The following LAMC1 variants were observed in gnomAD, a reference collection of about 807,000 sequenced individuals.
LAMC1 encodes the protein laminin subunit gamma-1.
In LAMC1, 38 loss-of-function variants were observed where a neutral mutation model predicts 173.6. The ratio of observed to expected loss-of-function variants is 0.22; its 90% CI spans 0.17 to 0.29. The LOEUF is 0.29. Among genes scored for constraint, LAMC1 ranks in the 10% least tolerant of loss-of-function variants. The pLI, the probability that LAMC1 is intolerant of heterozygous loss-of-function variation, is 1.00. For missense variants in LAMC1, 1,824 were observed against 2,051.8 expected (o/e 0.89, Z 2.14); for synonymous variants, 746 against 749.1 (o/e 1.00, Z 0.07).
At chr1:183,035,252 G>A (rs922041335) in intron 1 of LAMC1, among the ~76,000 whole-genome samples, 1 of 152,142 alleles carries the variant, frequency 6.6e-6, no homozygotes, top group Non-Finnish European at 1.5e-5. Context: ...GCAGTGGCAC[G>A]ATCCTATTTC....
chr1:183,130,565 C>T lies in LAMC1; in HGVS notation c.3486+16C>T, dbSNP rs372344667. The T allele has an allele frequency of 8.7e-6, 14 of 1,610,368 alleles. No individual in the cohort carries two copies. The highest frequency in any genetic ancestry group is 3.3e-5 in the Admixed American group (2 of 59,990). On this transcript the variant is annotated intron_variant, in intron 19 of 27. Coordinates refer to ENST00000258341, the MANE Select transcript of LAMC1 (RefSeq NM_002293.4). ...TGCCAATGTGGTAAGTGATTGCAAA[C>T]GTCTGAGGTGGGGATGGGGGAGGCC...
chr1:183,067,144 C>G (rs1047090040), intron 1 of LAMC1, among the ~76,000 whole-genome samples: 1 of 151,944 alleles, frequency 6.6e-6, no homozygotes, highest in African/African-American at 2.4e-5. Context: ...TAAAAAGGAA[C>G]AATATTTTCT....
chr1:183,108,655 C>T (rs1428859641), intron 3 of LAMC1, among the ~76,000 whole-genome samples: 2 of 152,180 alleles, frequency 1.3e-5, no homozygotes, highest in African/African-American at 4.8e-5. Flanking sequence ...CTTGTCAAAT[C>T]CACACATTTA....
intron 1 of LAMC1, among the ~76,000 whole-genome samples, chr1:183,030,201 G>A (rs952792014): frequency 6.6e-6 from 1 of 152,240 alleles, no homozygotes; most frequent in South Asian, 2.1e-4. Context: ...TAAGGGCAGA[G>A]TTGAGTAATA....
chr1:183,142,890 C>G lies in LAMC1; in HGVS notation c.*100C>G. 1 of 1,256,436 alleles carries G rather than the reference C, an allele frequency of 8.0e-7. No individual in the cohort carries two copies. The highest frequency in any genetic ancestry group is 2.0e-4 in the Middle Eastern group (1 of 4,996). The allele number at this position is 1,256,436 out of a possible 1,614,324, so 77.8% of individuals were successfully genotyped here. A position where few individuals can be genotyped will look rare whatever the true frequency, so the allele number is the denominator to read the frequency against. On this transcript the variant is annotated 3_prime_UTR_variant, in exon 28 of 28. Coordinates refer to ENST00000258341, the MANE Select transcript of LAMC1 (RefSeq NM_002293.4). ...GATTACATTTTTCAGACCCCCACTCCTCTGCTGCTGTCCATGACTGTCCTT... is the reference window on the plus strand; with the variant it reads ...GATTACATTTTTCAGACCCCCACTCGTCTGCTGCTGTCCATGACTGTCCTT...
chr1:183,046,655 G>T (rs1378888702), intron 1 of LAMC1, among the ~76,000 whole-genome samples: 1 of 151,606 alleles, frequency 6.6e-6, no homozygotes, highest in Non-Finnish European at 1.5e-5. Flanking sequence ...TGTGTGTGTT[G>T]ACCTTATAAC....
chr1:183,117,101 A>G (rs1656344233), intron 8 of LAMC1, 198 bp downstream of exon 8: 1 of 704,804 alleles, frequency 1.4e-6, no homozygotes, highest in Non-Finnish European at 2.3e-6. Flanking sequence ...ATCTCAATGA[A>G]TGGTGATTAC....
At chr1:183,079,401 C>T (rs1212535813) in intron 1 of LAMC1, among the ~76,000 whole-genome samples, 1 of 151,718 alleles carries the variant, frequency 6.6e-6, no homozygotes. Context: ...ACTGCAGGCA[C>T]ATGCCACTAC....
chr1:183,089,826 A>G (rs1230311009), intron 1 of LAMC1, among the ~76,000 whole-genome samples: 1 of 152,194 alleles, frequency 6.6e-6, no homozygotes, highest in Non-Finnish European at 1.5e-5. Context: ...CCATTGTTTT[A>G]GACTAGCCTC....
chr1:183,099,659 C>T (rs1655784087), intron 1 of LAMC1, among the ~76,000 whole-genome samples: 2 of 152,122 alleles, frequency 1.3e-5, no homozygotes. Flanking sequence ...AATGTTTGTG[C>T]ACCTCAGGGT....
rs780323378 is a variant in LAMC1 at position 183,048,224 on chromosome 1, G to A, written c.418+24090G>A. ...CTGTGTCTACCTTGTTTCTTCTTAC[G>A]GAACAATGAAATCACTAAGAGTAAG... On this transcript the variant is annotated intron_variant, in intron 1 of 27. Transcript: ENST00000258341. 1.9e-4 allele frequency among the ~76,000 whole-genome samples: 29 copies of A among 152,018 alleles called. 1 individual carries two copies. The highest frequency in any genetic ancestry group is 4.6e-4 in the Admixed American group (7 of 15,260).
chr1:183,124,759 C>T lies in LAMC1; in HGVS notation c.2530C>T (p.Arg844Cys), dbSNP rs778415591. 24 of 1,614,046 alleles carry T rather than the reference C, an allele frequency of 1.5e-5. No individual in the cohort carries two copies. Among genetic ancestry groups the T allele is most frequent in the Middle Eastern group, 1.6e-4 (1 of 6,084 alleles). The stretch of plus-strand genomic sequence containing the variant: ...TCCCAATGCAGTTGGAAATTGCAAT[C>T]GCTTGACGGGAGAATGCCTGAAGTG... ...IDPNAVGNCN[R>C]LTGECLKCIY... Residue 844 changes from arginine (R) to cysteine (C), a missense_variant, in exon 14 of 28, where the codon CGC (arginine) becomes TGC (cysteine). Physicochemically the swap from Arg to Cys is radical, Grantham distance 180. Transcript: ENST00000258341.
chr1:183,135,730 T>G (rs1292987670), intron 24 of LAMC1, among the ~76,000 whole-genome samples: 1 of 151,736 alleles, frequency 6.6e-6, no homozygotes, highest in Admixed American at 6.6e-5. Flanking sequence ...AAAAAAAATT[T>G]TTTTTTTAAT....
At chr1:183,117,835 T>C (rs752659657) in intron 10 of LAMC1, 112 bp downstream of exon 10, 148 of 1,004,832 alleles carry the variant, frequency 1.5e-4, no homozygotes, top group Non-Finnish European at 1.9e-4. Context: ...TCTGGGTTAT[T>C]GTGGTGATTT....
intron 1 of LAMC1, among the ~76,000 whole-genome samples, chr1:183,032,757 C>G (rs888751373): frequency 6.6e-6 from 1 of 152,038 alleles, no homozygotes; most frequent in African/African-American, 2.4e-5. Flanking sequence ...AATTTTGTTT[C>G]ATGATGATAA....
chr1:183,047,362 G>A (rs1006333185), intron 1 of LAMC1, among the ~76,000 whole-genome samples: 3 of 152,186 alleles, frequency 2.0e-5, no homozygotes, highest in Non-Finnish European at 2.9e-5. Flanking sequence ...ATTACAGAGT[G>A]TGATAAATTT....
At chr1:183,117,197 A>G in intron 8 of LAMC1, 123 bp from the exon 9 acceptor site, 1 of 1,041,170 alleles carries the variant, frequency 9.6e-7, no homozygotes, top group Non-Finnish European at 1.4e-6. Flanking sequence ...ATTTATTCAA[A>G]AAGGTTTATT....
At chr1:183,088,739 C>T (rs1049996699) in intron 1 of LAMC1, among the ~76,000 whole-genome samples, 1 of 152,078 alleles carries the variant, frequency 6.6e-6, no homozygotes, top group Non-Finnish European at 1.5e-5. Flanking sequence ...TTGAAAGTGG[C>T]ATGGATGGAT....
rs2102119439 is a variant in LAMC1, at chr1:183,142,623, G to A, written c.4663G>A (p.Asp1555Asn). 1.9e-6 allele frequency: 3 copies of A among 1,614,168 alleles called. No individual in the cohort carries two copies. Among genetic ancestry groups the A allele is most frequent in the Non-Finnish European group, 2.5e-6 (3 of 1,179,996 alleles). Residue 1555 changes from aspartate (D) to asparagine (N), a missense_variant, in exon 28 of 28, where the codon GAT (aspartate) becomes AAT (asparagine). Coordinates refer to ENST00000258341, the MANE Select transcript of LAMC1 (RefSeq NM_002293.4). ...AGATGAAATGAAGGTCAGCGATCTT[G>A]ATAGGAAAGTGTCTGACCTGGAGAA... ...AKDEMKVSDLDRKVSDLENEA... is the reference protein window; with the variant it reads ...AKDEMKVSDLNRKVSDLENEA...
Sources: allele counts gnomAD v4.1 joint callset (sites outside exome capture counted in the v4.1 genomes callset), GRCh38; gene constraint gnomAD v4.1.1; transcripts MANE v1.5; gene names NCBI Gene and HGNC (gene_info 2026-07-23, HGNC 2026-07-21).